The following DOK7 variants were observed in gnomAD, a reference collection of about 807,000 sequenced individuals.
The protein encoded by DOK7 is protein Dok-7.
In DOK7, 32 loss-of-function variants were observed where a neutral mutation model predicts 30.7. That is an observed-to-expected ratio of 1.04 (90% confidence interval 0.79 to 1.40). DOK7 has a LOEUF of 1.40. Ranked by LOEUF, DOK7 falls within the 40% of genes most tolerant of loss-of-function variation. The probability of loss-of-function intolerance (pLI) is 0.00; values close to 1 mark genes in which losing one functional copy is unlikely to be tolerated. For synonymous variants in DOK7, 447 were observed against 324.1 expected, an observed-to-expected ratio of 1.38 and a Z score of -4.07; for missense variants, 1,007 against 699.2, an observed-to-expected ratio of 1.44 and a Z score of -4.97.
Position 3,491,841 on chromosome 4 carries a change from G to A in DOK7, c.773-918G>A, listed in dbSNP as rs1728484873. Among the ~76,000 whole-genome samples the A allele has an allele frequency of 2.0e-5, 3 of 152,244 alleles. No individual in the cohort carries two copies. In the South Asian group the frequency reaches 6.2e-4, roughly 31 times the overall value. On this transcript the variant is annotated intron_variant, in intron 6 of 6. Transcript: ENST00000340083. ...GGTGGTGGAAGGGGCTGGCAGAGCA[G>A]GAGGGGCCGCTGTGCTCCCCGAAGG...
intron 4 of DOK7, chr4:3,484,573 C>T (rs1727640401): frequency 2.0e-6 from 2 of 985,234 alleles, no homozygotes; most frequent in Middle Eastern, 5.2e-4. Context: ...CTTCATTCAC[C>T]CCTGGCCGGG....
At chr4:3,472,948 G>T (rs1425727019) in intron 2 of DOK7, among the ~76,000 whole-genome samples, 1 of 152,230 alleles carries the variant, frequency 6.6e-6, no homozygotes, top group East Asian at 1.9e-4. Flanking sequence ...GAGGCAGCAG[G>T]GAGTGGGCAC....
chr4:3,495,415 A>C (rs1728852580), downstream of DOK7, among the ~76,000 whole-genome samples: 2 of 152,302 alleles, frequency 1.3e-5, no homozygotes, highest in East Asian at 3.9e-4. Flanking sequence ...GACCAGACTG[A>C]AGCACCCCAC....
chr4:3,486,747 T>C (rs1727825334), intron 5 of DOK7, among the ~76,000 whole-genome samples: 1 of 152,062 alleles, frequency 6.6e-6, no homozygotes, highest in Admixed American at 6.5e-5. Flanking sequence ...GCAGGTGTCT[T>C]CCTGCCTAGC....
chr4:3,489,959 C>T (rs554114241), intron 6 of DOK7, among the ~76,000 whole-genome samples, 163 bp downstream of exon 6: 2 of 145,598 alleles, frequency 1.4e-5, no homozygotes, highest in East Asian at 4.0e-4. Context: ...CCCCGCCCCG[C>T]CCGCTACTCA....
chr4:3,485,308 C>A (rs530115578), intron 4 of DOK7: 6 of 537,378 alleles, frequency 1.1e-5, no homozygotes, highest in Non-Finnish European at 1.9e-5. Context: ...CTGGGGAGTC[C>A]AGAGGCTCTG....
At position 3,493,447 on chromosome 4, in the gene DOK7, T is replaced by C; in HGVS notation, c.1461T>C (p.Ala487=). The change falls in exon 7 of 7, where the codon GCT becomes GCC. Residue 487 remains alanine (A), a synonymous_variant. Coordinates refer to ENST00000340083, the MANE Select transcript of DOK7 (RefSeq NM_173660.5). ...AGGPHAGPPP[A]FFSACPVCGG... is the part of the protein sequence containing the mutation. ...GCCCCCACGCGGGGCCACCCCCGGC[T>C]TTCTTTTCGGCATGTCCAGTCTGTG... 1 of 1,609,164 alleles carries C rather than the reference T, an allele frequency of 6.2e-7. No individual in the cohort carries two copies. Among genetic ancestry groups the C allele is most frequent in the Non-Finnish European group, 8.5e-7 (1 of 1,178,362 alleles).
Position 3,493,417 on chromosome 4 carries a change from A to G in DOK7, c.1431A>G (p.Ala477=). 6.3e-7 allele frequency: 1 copy of G among 1,599,490 alleles called. No individual in the cohort carries two copies. The highest frequency in any genetic ancestry group is 8.5e-7 in the Non-Finnish European group (1 of 1,173,382). The change falls in exon 7 of 7, where the codon GCA becomes GCG. Residue 477 remains alanine, a synonymous_variant. Transcript: ENST00000340083. ...CTGCCCCTGGCGAGCCCTGGGAAGC[A>G]GGCGGCCCCCACGCGGGGCCACCCC... ...PGPAPGEPWE[A]GGPHAGPPPA...
downstream of DOK7, among the ~76,000 whole-genome samples, chr4:3,498,560 C>G (rs1378888482): frequency 2.0e-5 from 3 of 152,224 alleles, no homozygotes; most frequent in Non-Finnish European, 2.9e-5. Flanking sequence ...TCAAGGCCCC[C>G]TTTCCAGACG....
rs116709196 is a variant in DOK7, at chr4:3,492,439, G to A, written c.773-320G>A. Among the ~76,000 whole-genome samples the A allele has an allele frequency of 2.5e-3, 376 of 152,080 alleles. 2 individuals carry two copies. The highest frequency in any genetic ancestry group is 8.4e-3 in the African/African-American group (347 of 41,446). Reference sequence around the variant, plus strand: ...GCTGGGTATGGAGCGTGGGGTGTTAGGCAGGGAGGGTGGGGAGCTCTAGGG... The same window carrying A: ...GCTGGGTATGGAGCGTGGGGTGTTAAGCAGGGAGGGTGGGGAGCTCTAGGG... On this transcript the variant is annotated intron_variant, in intron 6 of 6. Coordinates refer to ENST00000340083, the MANE Select transcript of DOK7 (RefSeq NM_173660.5).
At chr4:3,482,083 C>T (rs1428962904) in intron 4 of DOK7, among the ~76,000 whole-genome samples, 1 of 152,198 alleles carries the variant, frequency 6.6e-6, no homozygotes, top group Non-Finnish European at 1.5e-5. Flanking sequence ...TCCTATCCCC[C>T]ACAACAGGGC....
chr4:3,487,607 C>G (rs1390962077), intron 5 of DOK7, among the ~76,000 whole-genome samples: 1 of 152,164 alleles, frequency 6.6e-6, no homozygotes, highest in African/African-American at 2.4e-5. Flanking sequence ...TGCATGTTAC[C>G]TTCTTGGCCT....
chr4:3,468,614 CTT>C (rs1341338347), intron 2 of DOK7, among the ~76,000 whole-genome samples: 2 of 137,928 alleles, frequency 1.5e-5, no homozygotes, highest in East Asian at 2.3e-4. Context: ...GTGTGCGTGC[CTT>C]TGTGTGTGCG....
chr4:3,493,364 C>T lies in DOK7; in HGVS notation c.1378C>T (p.Gln460Ter), dbSNP rs1355424790. 7 of 1,597,866 alleles carry T rather than the reference C, an allele frequency of 4.4e-6. No individual in the cohort carries two copies. The highest frequency in any genetic ancestry group is 6.0e-6 in the Non-Finnish European group (7 of 1,172,854). ...GCGGGGCCTGGTGATGGAGGCCCCC[C>T]AGGGCAGCGAGGCCACACTGCCTGG... ...RRRGLVMEAPQGSEATLPGPA... is the reference protein window; with the variant it reads ...RRRGLVMEAP The change falls in exon 7 of 7, where the codon CAG becomes TAG. Residue 460 changes from glutamine (Q) to a stop codon, truncating the protein, a stop_gained. Coordinates refer to ENST00000340083, the MANE Select transcript of DOK7 (RefSeq NM_173660.5). LOFTEE classifies it high-confidence loss of function.
chr4:3,496,360 G>A (rs1017622047), downstream of DOK7, among the ~76,000 whole-genome samples: 2 of 152,172 alleles, frequency 1.3e-5, no homozygotes, highest in Non-Finnish European at 2.9e-5. Context: ...ACCAGCTGCA[G>A]AGAGCAGGGC....
intron 4 of DOK7, 85 bp from the exon 5 acceptor site, chr4:3,485,454 T>G: frequency 7.2e-7 from 1 of 1,395,362 alleles, no homozygotes; most frequent in Non-Finnish European, 9.4e-7. Context: ...TGGTGGAGTT[T>G]GCTGCGGTTT....
intron 4 of DOK7, among the ~76,000 whole-genome samples, chr4:3,483,461 G>T (rs1298897576): frequency 1.3e-5 from 2 of 152,126 alleles, no homozygotes; most frequent in African/African-American, 4.8e-5. Context: ...CTTCCTCCAG[G>T]GCCACTGATG....
chr4:3,468,355 T>C (rs1026349913), intron 2 of DOK7, among the ~76,000 whole-genome samples: 2 of 151,926 alleles, frequency 1.3e-5, no homozygotes, highest in African/African-American at 4.8e-5. Flanking sequence ...AATGCTTGTC[T>C]GTGTGCGTGT....
At chr4:3,469,145 G>A (rs1296490431) in intron 2 of DOK7, among the ~76,000 whole-genome samples, 1 of 151,038 alleles carries the variant, frequency 6.6e-6, no homozygotes, top group Non-Finnish European at 1.5e-5. Flanking sequence ...GCGTGTATGT[G>A]TCTGTGTATG....
Sources: allele counts gnomAD v4.1 joint callset (sites outside exome capture counted in the v4.1 genomes callset), GRCh38; gene constraint gnomAD v4.1.1; transcripts MANE v1.5; gene names NCBI Gene and HGNC (gene_info 2026-07-23, HGNC 2026-07-21).